SNX29: variants seen among roughly 807,000 people sequenced by gnomAD.
SNX29 encodes the protein sorting nexin-29.
Under a neutral mutation model 102.1 loss-of-function variants are expected in SNX29, and 78 were observed. That is an observed-to-expected ratio of 0.76 (90% CI 0.64 to 0.92). The LOEUF is 0.92. SNX29 is among the 40% of genes least tolerant of loss of function. The pLI, the probability that SNX29 is intolerant of heterozygous loss-of-function variation, is 0.00. For synonymous variants in SNX29, 580 were observed against 414.5 expected (o/e 1.40, Z -4.85); for missense variants, 1,280 against 1,061.7 (o/e 1.21, Z -2.86).
intron 19 of SNX29, among the ~76,000 whole-genome samples, chr16:12,494,579 C>G (rs1395572453): frequency 6.6e-6 from 1 of 152,202 alleles, no homozygotes; most frequent in Non-Finnish European, 1.5e-5. Flanking sequence ...GTACAGGGCC[C>G]AATCTCACTT....
intron 14 of SNX29, among the ~76,000 whole-genome samples, chr16:12,236,631 A>G (rs1266291201): frequency 2.0e-5 from 3 of 152,150 alleles, no homozygotes; most frequent in Non-Finnish European, 2.9e-5. Context: ...CACTACCGCC[A>G]TCTGTCCCAC....
intron 3 of SNX29, among the ~76,000 whole-genome samples, chr16:12,006,612 G>T (rs767967721): frequency 4.6e-5 from 7 of 151,190 alleles, no homozygotes; most frequent in Non-Finnish European, 7.4e-5. Flanking sequence ...AGAAGGAGCA[G>T]AAGTATTACC....
At chr16:12,554,772 C>A (rs907529870) in intron 20 of SNX29, among the ~76,000 whole-genome samples, 1 of 152,150 alleles carries the variant, frequency 6.6e-6, no homozygotes, top group East Asian at 1.9e-4. Flanking sequence ...GCTCTCTCCC[C>A]CGCCATAGAA....
intron 20 of SNX29, among the ~76,000 whole-genome samples, chr16:12,558,984 A>C (rs1013809118): frequency 6.6e-6 from 1 of 152,184 alleles, no homozygotes; most frequent in East Asian, 1.9e-4. Flanking sequence ...AGAGACTTTA[A>C]AGAAATTTAC....
chr16:12,420,242 C>A (rs765028388), intron 18 of SNX29, among the ~76,000 whole-genome samples: 1 of 152,212 alleles, frequency 6.6e-6, no homozygotes, highest in African/African-American at 2.4e-5. Flanking sequence ...TTAATACTTA[C>A]TGATGAATAG....
intron 15 of SNX29, among the ~76,000 whole-genome samples, chr16:12,313,213 C>T (rs1051015089): frequency 2.0e-5 from 3 of 152,076 alleles, no homozygotes; most frequent in African/African-American, 7.2e-5. Context: ...GGGGTTTCAC[C>T]ATGTTGGCCA....
rs889247699 is a variant in SNX29 at position 12,222,595 on chromosome 16, GTCTC to G, written c.1678+22918_1678+22921del. On this transcript the variant is annotated intron_variant, in intron 14 of 20. Coordinates refer to ENST00000566228, the MANE Select transcript of SNX29 (RefSeq NM_032167.5). The stretch of plus-strand genomic sequence containing the variant: ...TGCTGTCTTTTTTCTTTGAGACAGA[GTCTC>G]TCTCTGTCACCCAGGCTGGAGTGCA... Among the ~76,000 whole-genome samples the G allele has an allele frequency of 3.9e-5, 6 of 152,112 alleles. No individual in the cohort carries two copies. In the East Asian group the frequency reaches 1.2e-3, roughly 29 times the overall value.
In SNX29 at chr16:12,572,428, G is replaced by A. The variant is rs1230321843; in HGVS notation, c.*3799G>A. On this transcript the variant is annotated 3_prime_UTR_variant, in exon 21 of 21. Coordinates refer to ENST00000566228, the MANE Select transcript of SNX29 (RefSeq NM_032167.5). ...GGGCTCTGTGGCCCAGGCCGGCAGTGGCTGCCTCTCTTGGTTCTGCATGGT... is the reference window on the plus strand; with the variant it reads ...GGGCTCTGTGGCCCAGGCCGGCAGTAGCTGCCTCTCTTGGTTCTGCATGGT... 6.7e-5 allele frequency: 71 copies of A among 1,063,336 alleles called. 1 individual carries two copies. The South Asian group carries it at 2.8e-3, about 42-fold the overall frequency. The allele number at this position is 1,063,336 out of a possible 1,614,324, so 65.9% of individuals were successfully genotyped here. A position where few individuals can be genotyped will look rare whatever the true frequency, so the allele number is the denominator to read the frequency against.
At chr16:12,540,278 C>T (rs1030193002) in intron 20 of SNX29, among the ~76,000 whole-genome samples, 5 of 152,148 alleles carry the variant, frequency 3.3e-5, no homozygotes, top group African/African-American at 1.2e-4. Context: ...GGAGGGAGGA[C>T]AGGACTAGAG....
intron 20 of SNX29, among the ~76,000 whole-genome samples, chr16:12,537,515 G>A (rs938560800): frequency 3.9e-5 from 6 of 152,176 alleles, no homozygotes; most frequent in Non-Finnish European, 5.9e-5. Flanking sequence ...AGGCTTGTTG[G>A]GAGGATTAAA....
intron 9 of SNX29, among the ~76,000 whole-genome samples, chr16:12,064,239 C>T (rs1040303818): frequency 6.6e-6 from 1 of 152,080 alleles, no homozygotes; most frequent in Non-Finnish European, 1.5e-5. Flanking sequence ...TTAGCTGGGC[C>T]TCCTGAACCA....
intron 18 of SNX29, among the ~76,000 whole-genome samples, chr16:12,408,220 A>G (rs1567533347): frequency 1.3e-5 from 2 of 151,820 alleles, no homozygotes; most frequent in East Asian, 3.9e-4. Flanking sequence ...CCCTCATTCC[A>G]AAAGGCAAGG....
At chr16:12,502,568 G>C (rs931824345) in intron 19 of SNX29, among the ~76,000 whole-genome samples, 2 of 152,188 alleles carry the variant, frequency 1.3e-5, no homozygotes, top group African/African-American at 4.8e-5. Flanking sequence ...CTGTTTTACA[G>C]ATAGGGAAAC....
At chr16:12,032,995 C>T (rs1297132327) in intron 4 of SNX29, among the ~76,000 whole-genome samples, 6 of 152,150 alleles carry the variant, frequency 3.9e-5, no homozygotes, top group Middle Eastern at 3.4e-3. Context: ...GCTGGGATTA[C>T]AGGCGTGCGC....
Position 12,257,611 on chromosome 16 carries a change from C to T in SNX29, c.1679-20322C>T, listed in dbSNP as rs138972318. Among the ~76,000 whole-genome samples the T allele has an allele frequency of 2.6e-3, 402 of 152,160 alleles. 2 individuals are homozygous for T. The highest frequency in any genetic ancestry group is 8.8e-3 in the African/African-American group (367 of 41,510). On this transcript the variant is annotated intron_variant, in intron 14 of 20. Transcript: ENST00000566228. ...GAAGCCTTTAACTCTTGGGATCAAG[C>T]GATCCTCCTGCCTCAGCCTCCTGAG...
intron 2 of SNX29, among the ~76,000 whole-genome samples, chr16:11,999,896 GT>G (rs1017238975): frequency 6.7e-6 from 1 of 150,356 alleles, no homozygotes; most frequent in Non-Finnish European, 1.5e-5. Flanking sequence ...GTGAGACTTT[GT>G]GTCATTAAAA....
At chr16:12,064,332 C>T (rs913626182) in intron 9 of SNX29, among the ~76,000 whole-genome samples, 1 of 152,202 alleles carries the variant, frequency 6.6e-6, no homozygotes, top group Admixed American at 6.5e-5. Context: ...TCTGGGCTTT[C>T]TGTAGCAAGT....
intron 14 of SNX29, among the ~76,000 whole-genome samples, chr16:12,201,060 A>G (rs1267691818): frequency 6.6e-6 from 1 of 152,152 alleles, no homozygotes. Flanking sequence ...TGAAGCTTGT[A>G]TATTTCTTTT....
Position 12,278,010 on chromosome 16 carries a change from A to C in SNX29, c.1756A>C (p.Ser586Arg). Residue 586 changes from serine (S) to arginine (R), a missense_variant, in exon 15 of 21, where the codon AGC (serine) becomes CGC (arginine). By Grantham distance (110) the Ser-to-Arg change is moderately radical. Transcript: ENST00000566228. The stretch of plus-strand genomic sequence containing the variant: ...GGGAGAAATTGCTGAAGAACTCGCA[A>C]GCTCCTACGAAAGAAAGCTCATCGA... ...KPGEIAEELASSYERKLIEVA... is the reference protein window; with the variant it reads ...KPGEIAEELARSYERKLIEVA... 2 of 1,604,544 alleles carry C rather than the reference A, an allele frequency of 1.2e-6. No homozygotes were observed. Among genetic ancestry groups the C allele is most frequent in the Non-Finnish European group, 1.7e-6 (2 of 1,175,390 alleles).
Sources: allele counts gnomAD v4.1 joint callset (sites outside exome capture counted in the v4.1 genomes callset), GRCh38; gene constraint gnomAD v4.1.1; transcripts MANE v1.5; gene names NCBI Gene and HGNC (gene_info 2026-07-23, HGNC 2026-07-21).